The following IDO2 variants were observed in gnomAD, a reference collection of about 807,000 sequenced individuals.
IDO2 encodes indoleamine 2,3-dioxygenase-like 1 protein.
IDO2 carries 46 observed loss-of-function variants against 45.1 expected under a neutral mutation model. The ratio of observed to expected loss-of-function variants is 1.02; its 90% CI spans 0.80 to 1.30. The LOEUF (loss-of-function observed/expected upper bound fraction) is 1.30, where lower values mean the gene tolerates loss of function less well. Among genes scored for constraint, IDO2 ranks in the 50% most tolerant of loss-of-function variants. The probability of loss-of-function intolerance (pLI) is 0.00; values close to 1 mark genes in which losing one functional copy is unlikely to be tolerated. For missense variants in IDO2, 544 were observed against 491.8 expected (o/e 1.11, Z -1.00); for synonymous variants, 218 against 184.9 (o/e 1.18, Z -1.45).
At chr8:39,986,377 G>A (rs1369047758) in intron 6 of IDO2, 15 of 152,100 alleles carry the variant, frequency 9.9e-5, no homozygotes, top group Admixed American at 9.8e-4. Context: ...CATCAAATAA[G>A]AGTGTCCAGT....
chr8:39,969,860 A>G (rs1808153062), intron 3 of IDO2, among the ~76,000 whole-genome samples: 1 of 132,818 alleles, frequency 7.5e-6, no homozygotes, highest in African/African-American at 2.9e-5. Flanking sequence ...GGGCAACAAG[A>G]GTAAAACTCC....
chr8:39,941,129 G>A (rs1307376134), intron 1 of IDO2, among the ~76,000 whole-genome samples: 1 of 148,128 alleles, frequency 6.8e-6, no homozygotes, highest in Non-Finnish European at 1.5e-5. Flanking sequence ...GGCTGAGGCA[G>A]GAGAAATGCT....
intron 9 of IDO2, among the ~76,000 whole-genome samples, chr8:40,013,021 A>C (rs1032307518): frequency 1.4e-4 from 22 of 152,206 alleles, no homozygotes; most frequent in African/African-American, 5.1e-4. Context: ...TTGGTAGTTT[A>C]ACGTGATGAC....
At chr8:40,013,471 G>A in intron 9 of IDO2, 94 bp from the exon 10 acceptor site, 1 of 1,226,936 alleles carries the variant, frequency 8.2e-7, no homozygotes. Flanking sequence ...TTGAAATCAT[G>A]TTCCCTTTCT....
chr8:39,965,448 C>T (rs1808070594), intron 3 of IDO2, among the ~76,000 whole-genome samples: 1 of 152,168 alleles, frequency 6.6e-6, no homozygotes, highest in African/African-American at 2.4e-5. Context: ...GATCACACCA[C>T]TGAACTCTAG....
intron 9 of IDO2, among the ~76,000 whole-genome samples, chr8:40,006,692 C>T (rs1802227498): frequency 7.5e-6 from 1 of 132,770 alleles, no homozygotes; most frequent in Non-Finnish European, 1.7e-5. Context: ...CAGAGTCTTG[C>T]TCTTTTCACC....
At chr8:40,009,217 G>A (rs1000987813) in intron 9 of IDO2, among the ~76,000 whole-genome samples, 1 of 152,142 alleles carries the variant, frequency 6.6e-6, no homozygotes, top group African/African-American at 2.4e-5. Context: ...GTTTTGCCCT[G>A]TGGGCCAGGC....
At chr8:39,982,117 G>A (rs1808361669) in intron 4 of IDO2, among the ~76,000 whole-genome samples, 1 of 152,020 alleles carries the variant, frequency 6.6e-6, no homozygotes, top group Non-Finnish European at 1.5e-5. Flanking sequence ...ATCTCTATGA[G>A]TCGGTCAATC....
chr8:39,954,747 C>T (rs939571093), intron 2 of IDO2, among the ~76,000 whole-genome samples: 2 of 150,160 alleles, frequency 1.3e-5, no homozygotes, highest in East Asian at 3.9e-4. Context: ...CCTTTGCCTC[C>T]CGGGTTCAAG....
At chr8:39,939,008 C>G (rs1807599312) in intron 1 of IDO2, among the ~76,000 whole-genome samples, 1 of 152,146 alleles carries the variant, frequency 6.6e-6, no homozygotes, top group Non-Finnish European at 1.5e-5. Context: ...AATCCCAGCA[C>G]TTTGGGAGGC....
chr8:39,994,605 G>A (rs1802002085), intron 8 of IDO2, among the ~76,000 whole-genome samples: 3 of 151,806 alleles, frequency 2.0e-5, no homozygotes, highest in South Asian at 2.1e-4. Context: ...ACTAAACTCC[G>A]ATTAGCCCAA....
intron 2 of IDO2, among the ~76,000 whole-genome samples, chr8:39,960,280 G>A (rs1253739197): frequency 6.6e-6 from 1 of 151,976 alleles, no homozygotes; most frequent in Non-Finnish European, 1.5e-5. Context: ...ACTCCCATCT[G>A]CTAAGAAATT....
At chr8:39,936,631 A>G (rs1385290997) in intron 1 of IDO2, among the ~76,000 whole-genome samples, 3 of 152,220 alleles carry the variant, frequency 2.0e-5, no homozygotes, top group African/African-American at 7.2e-5. Context: ...TAACGGCAGG[A>G]TTTACGGCAA....
intron 3 of IDO2, among the ~76,000 whole-genome samples, chr8:39,977,213 G>A (rs1338234174): frequency 6.6e-6 from 1 of 152,168 alleles, no homozygotes; most frequent in African/African-American, 2.4e-5. Flanking sequence ...AAGTAGTTAA[G>A]ACAGTGAAAG....
At chr8:39,976,492 C>G (rs958502779) in intron 3 of IDO2, among the ~76,000 whole-genome samples, 4 of 152,052 alleles carry the variant, frequency 2.6e-5, no homozygotes, top group African/African-American at 9.7e-5. Flanking sequence ...TATGTCTACT[C>G]TTTAGGTTGT....
At chr8:39,989,774 C>T (rs1255913723) in exon 8 of IDO2, 3 of 1,605,146 alleles carry the variant, frequency 1.9e-6, no homozygotes, top group South Asian at 1.1e-5. Context: ...AGGCCCTGCT[C>T]CAAGCCCTGC....
chr8:39,978,967 C>A, intron 3 of IDO2, 100 bp from the exon 4 acceptor site: 1 of 1,122,426 alleles, frequency 8.9e-7, no homozygotes. Context: ...CATTGCCTTC[C>A]ACCCAAAGGT....
At chr8:40,008,278 TC>T (rs1802252670) in intron 9 of IDO2, among the ~76,000 whole-genome samples, 1 of 152,120 alleles carries the variant, frequency 6.6e-6, no homozygotes, top group African/African-American at 2.4e-5. Flanking sequence ...ACTCCTGACC[TC>T]AAGTGATCCT....
chr8:39,989,896 G>A, intron 8 of IDO2, 58 bp downstream of exon 8: 5 of 1,170,520 alleles, frequency 4.3e-6, no homozygotes, highest in East Asian at 2.6e-5. Context: ...TCTGCTTAGG[G>A]GAAGAGGGCC....
Sources: allele counts gnomAD v4.1 joint callset (sites outside exome capture counted in the v4.1 genomes callset), GRCh38; gene constraint gnomAD v4.1.1; transcripts MANE v1.5; gene names NCBI Gene and HGNC (gene_info 2026-07-23, HGNC 2026-07-21).